Variants in SLC4A10 observed in about 807,000 individuals in gnomAD.
SLC4A10 encodes the protein solute carrier family 4 member 10, also known as sodium-driven chloride bicarbonate exchanger.
In SLC4A10, 42 loss-of-function variants were observed where a neutral mutation model predicts 137.7. That is an observed-to-expected ratio of 0.30 (90% confidence interval 0.24 to 0.39). The LOEUF is 0.39. Among genes scored for constraint, SLC4A10 ranks in the 10% least tolerant of loss-of-function variants. The probability of loss-of-function intolerance (pLI) is 1.00; values close to 1 mark genes in which losing one functional copy is unlikely to be tolerated. For synonymous variants in SLC4A10, 474 were observed against 464.1 expected, an observed-to-expected ratio of 1.02 and a Z score of -0.27; for missense variants, 925 against 1,355.0, an observed-to-expected ratio of 0.68 and a Z score of 4.98.
intron 1 of SLC4A10, 130 bp downstream of exon 1, chr2:161,624,696 G>A (rs2031906829): frequency 8.0e-7 from 1 of 1,245,818 alleles, no homozygotes; most frequent in South Asian, 1.4e-5. Flanking sequence ...ATATGGACAG[G>A]GGTCTCCTCC....
chr2:161,908,245 A>G (rs899526614), intron 15 of SLC4A10, among the ~76,000 whole-genome samples: 2 of 152,132 alleles, frequency 1.3e-5, no homozygotes, highest in Admixed American at 1.3e-4. Flanking sequence ...TTTAGAGAGG[A>G]CAGTGGCATG....
At chr2:161,943,426 A>C (rs1389958534) in intron 16 of SLC4A10, among the ~76,000 whole-genome samples, 1 of 152,066 alleles carries the variant, frequency 6.6e-6, no homozygotes, top group Non-Finnish European at 1.5e-5. Context: ...CCACTCAAGA[A>C]AGAGCATGGC....
Position 161,950,786 on chromosome 2 carries a change from C to T in SLC4A10, c.2479C>T (p.Leu827=). The T allele has an allele frequency of 6.2e-7, 1 of 1,604,186 alleles. No homozygotes were observed. Residue 827 remains leucine (L), a synonymous_variant, in exon 19 of 27, where the codon CTA becomes TTA. Coordinates refer to ENST00000446997, the MANE Select transcript of SLC4A10 (RefSeq NM_001178015.2). ...AIIPALLCTI[L]IFMDQQITAV... Reference sequence around the variant, plus strand: ...AATTCCAGCTCTGCTTTGTACTATTCTAATTTTTATGGACCAACAGATTAC... The same window carrying T: ...AATTCCAGCTCTGCTTTGTACTATTTTAATTTTTATGGACCAACAGATTAC...
intron 15 of SLC4A10, among the ~76,000 whole-genome samples, chr2:161,910,299 T>C (rs1401230411): frequency 6.6e-6 from 1 of 152,158 alleles, no homozygotes; most frequent in East Asian, 1.9e-4. Flanking sequence ...TTTGAAAATA[T>C]AAGCTTTTCT....
intron 1 of SLC4A10, among the ~76,000 whole-genome samples, chr2:161,747,356 C>A (rs1295919886): frequency 6.6e-6 from 1 of 152,142 alleles, no homozygotes; most frequent in African/African-American, 2.4e-5. Context: ...TGTTCCAATG[C>A]AAAGTCCCAC....
chr2:161,790,840 A>G (rs751471080), intron 2 of SLC4A10, among the ~76,000 whole-genome samples: 1 of 152,212 alleles, frequency 6.6e-6, no homozygotes, highest in African/African-American at 2.4e-5. Context: ...AAAAGAAGAC[A>G]TACATGCGGC....
intron 1 of SLC4A10, among the ~76,000 whole-genome samples, chr2:161,747,308 C>A (rs867446972): frequency 6.6e-6 from 1 of 152,114 alleles, no homozygotes; most frequent in South Asian, 2.1e-4. Context: ...GGCCAAATTC[C>A]GCCTTGTGTT....
intron 1 of SLC4A10, among the ~76,000 whole-genome samples, chr2:161,655,485 T>C (rs1411545414): frequency 6.6e-6 from 1 of 152,224 alleles, no homozygotes; most frequent in African/African-American, 2.4e-5. Flanking sequence ...ACCATGATGT[T>C]AGCTGTGAGC....
At chr2:161,775,375 T>A (rs1255215128) in intron 2 of SLC4A10, among the ~76,000 whole-genome samples, 10 of 151,860 alleles carry the variant, frequency 6.6e-5, no homozygotes, top group Admixed American at 2.0e-4. Flanking sequence ...CAGTACATAT[T>A]TATAGTCTTG....
At chr2:161,757,594 T>G (rs1421619303) in intron 1 of SLC4A10, among the ~76,000 whole-genome samples, 3 of 152,128 alleles carry the variant, frequency 2.0e-5, no homozygotes, top group African/African-American at 7.2e-5. Flanking sequence ...CACAAAGAAC[T>G]TGCTTAAAAT....
intron 1 of SLC4A10, chr2:161,708,654 A>G: frequency 6.8e-7 from 1 of 1,470,916 alleles, no homozygotes; most frequent in Non-Finnish European, 8.9e-7. Context: ...TTAAACAGAT[A>G]CTGATGGACA....
chr2:161,946,010 T>C (rs1693731767), intron 16 of SLC4A10, among the ~76,000 whole-genome samples: 1 of 152,016 alleles, frequency 6.6e-6, no homozygotes, highest in African/African-American at 2.4e-5. Flanking sequence ...ATTGCTCTGC[T>C]AGCATTTCTG....
rs1221804002 is a variant in SLC4A10 at position 161,856,198 on chromosome 2, G to A, written c.577+1068G>A. ...CTGTCTGAAGAAAAAGAAATGTCTT[G>A]AAGTGAATGTCACCCAAATTTTGAT... On this transcript the variant is annotated intron_variant, in intron 5 of 26. Transcript: ENST00000446997. Among the ~76,000 whole-genome samples, 3 of 151,938 alleles carry A rather than the reference G, an allele frequency of 2.0e-5. No individual in the cohort carries two copies. In the East Asian group the frequency reaches 5.8e-4, roughly 29 times the overall value.
chr2:161,718,897 T>C (rs1167046620), intron 1 of SLC4A10, among the ~76,000 whole-genome samples: 1 of 152,128 alleles, frequency 6.6e-6, no homozygotes, highest in Non-Finnish European at 1.5e-5. Flanking sequence ...TGTTATTATC[T>C]CCCACTGTTT....
chr2:161,813,646 C>A (rs2056768272), intron 3 of SLC4A10, among the ~76,000 whole-genome samples: 1 of 152,102 alleles, frequency 6.6e-6, no homozygotes, highest in Admixed American at 6.6e-5. Flanking sequence ...AATGGATTAT[C>A]TGTAGGGCTA....
intron 1 of SLC4A10, among the ~76,000 whole-genome samples, chr2:161,768,329 C>T (rs942343880): frequency 1.2e-4 from 19 of 152,094 alleles, no homozygotes; most frequent in African/African-American, 4.6e-4. Context: ...TCAGTCTGTT[C>T]GGAATAGTGT....
chr2:161,706,907 T>C (rs151279536), intron 1 of SLC4A10, among the ~76,000 whole-genome samples: 90 of 151,754 alleles, frequency 5.9e-4, no homozygotes, highest in African/African-American at 2.0e-3. Flanking sequence ...TAACAAAACA[T>C]GCTTGTTTGA....
intron 19 of SLC4A10, among the ~76,000 whole-genome samples, chr2:161,951,874 G>A (rs1318949295): frequency 6.6e-6 from 1 of 152,016 alleles, no homozygotes; most frequent in Non-Finnish European, 1.5e-5. Flanking sequence ...TTATGAAGAA[G>A]GAATTTTGAG....
At chr2:161,768,085 T>G (rs2051122576) in intron 1 of SLC4A10, among the ~76,000 whole-genome samples, 1 of 152,070 alleles carries the variant, frequency 6.6e-6, no homozygotes. Context: ...TCCTTTAGCC[T>G]TCAGATAGGC....
Sources: allele counts gnomAD v4.1 joint callset (sites outside exome capture counted in the v4.1 genomes callset), GRCh38; gene constraint gnomAD v4.1.1; transcripts MANE v1.5; gene names NCBI Gene and HGNC (gene_info 2026-07-23, HGNC 2026-07-21).